Variants in AMDHD2 observed in about 807,000 individuals in gnomAD.
AMDHD2 encodes the protein N-acetylglucosamine-6-phosphate deacetylase.
A neutral mutation model predicts 41.8 loss-of-function variants in AMDHD2; 24 were observed. The observed-to-expected ratio is 0.57, with a 90% CI of 0.42 to 0.81. The LOEUF (loss-of-function observed/expected upper bound fraction) is 0.81. Ranked by LOEUF, AMDHD2 falls within the 30% of genes least tolerant of loss-of-function variation. The pLI, the probability that AMDHD2 is intolerant of heterozygous loss-of-function variation, is 0.00. For missense variants in AMDHD2, 540 were observed against 588.5 expected (o/e 0.92, Z 0.85); for synonymous variants, 332 against 255.5 (o/e 1.30, Z -2.85).
intron 3 of AMDHD2, among the ~76,000 whole-genome samples, chr16:2,526,736 G>A (rs1383837256): frequency 6.6e-6 from 1 of 152,016 alleles, no homozygotes; most frequent in Admixed American, 6.6e-5. Flanking sequence ...TTTGAAACTG[G>A]CCTGACCTAC....
At chr16:2,529,263 C>T (rs780934317) in intron 10 of AMDHD2, 168 bp downstream of exon 10, 15 of 1,052,738 alleles carry the variant, frequency 1.4e-5, no homozygotes, top group East Asian at 5.2e-5. Context: ...GCCATCAGGC[C>T]GGGCTTTCTG....
At position 2,530,775 on chromosome 16, in the gene AMDHD2, A is replaced by G. The variant is rs2066081638; in HGVS notation, c.*1212A>G. 1 of 1,613,696 alleles carries G rather than the reference A, an allele frequency of 6.2e-7. No homozygotes were observed. The highest frequency in any genetic ancestry group is 1.3e-5 in the African/African-American group (1 of 75,040). Reference sequence around the variant, plus strand: ...CCTCGCCTGAGGGAGGGCCTGGGGCAGGGCACAAGGGGTTGATCTCAGCCC... The same window carrying G: ...CCTCGCCTGAGGGAGGGCCTGGGGCGGGGCACAAGGGGTTGATCTCAGCCC... On this transcript the variant is annotated 3_prime_UTR_variant, in exon 11 of 11. Coordinates refer to ENST00000293971, the MANE Select transcript of AMDHD2 (RefSeq NM_001330449.2).
rs1261445248 is a variant in AMDHD2 at position 2,527,600 on chromosome 16, G to A, written c.400G>A (p.Gly134Arg). 1 of 1,613,044 alleles carries A rather than the reference G, an allele frequency of 6.2e-7. No individual in the cohort carries two copies. Among genetic ancestry groups the A allele is most frequent in the Non-Finnish European group, 8.5e-7 (1 of 1,179,668 alleles). ...QIPVKSGGPH[G>R]AGVLGLHLEG... ...CCCTGTGAAGAGTGGTGGTCCCCAT[G>A]GGGCAGGGGTCCTCGGTGAGTGGCT... Residue 134 changes from glycine to arginine, a missense_variant, in exon 4 of 11, where the codon GGG becomes AGG. Transcript: ENST00000293971. The surrounding 1 kb of genome is among the most constrained non-coding windows in gnomAD (Gnocchi z 6.1).
intron 9 of AMDHD2, 30 bp from the exon 10 acceptor site, chr16:2,528,964 G>T (rs1024356644): frequency 1.3e-6 from 2 of 1,555,966 alleles, no homozygotes; most frequent in African/African-American, 1.4e-5. Flanking sequence ...TGGGCTTGGG[G>T]ACTGTCACCT....
At chr16:2,522,812 C>A (rs2065958799) in intron 3 of AMDHD2, among the ~76,000 whole-genome samples, 1 of 152,000 alleles carries the variant, frequency 6.6e-6, no homozygotes, top group African/African-American at 2.4e-5. Flanking sequence ...CTGTGCCTGG[C>A]CCATCATGCC....
intron 3 of AMDHD2, among the ~76,000 whole-genome samples, chr16:2,526,429 C>T (rs910164617): frequency 1.1e-4 from 17 of 152,136 alleles, no homozygotes; most frequent in African/African-American, 3.4e-4. Flanking sequence ...CCCGGGGGCC[C>T]GACCGGCACA....
Position 2,527,249 on chromosome 16 carries a change from C to T in AMDHD2, c.361-312C>T, listed in dbSNP as rs1008311417. The T allele has an allele frequency of 1.6e-5, 8 of 486,516 alleles. No homozygotes were observed. The highest frequency in any genetic ancestry group is 2.6e-5 in the Non-Finnish European group (7 of 273,136). The allele number at this position is 486,516 out of a possible 1,614,324, so 30.1% of individuals were successfully genotyped here. On this transcript the variant is annotated intron_variant, in intron 3 of 10. Transcript: ENST00000293971. This position sits in a 1 kb window ranked among gnomAD's most constrained non-coding sequence, Gnocchi z 6.1. ...GCTCTGCCCCAGGGTCCCTGCTGCT[C>T]CCAGGAGCCTCCTGCCTCCCAGCCC...
At chr16:2,525,947 G>A (rs1323673426) in intron 3 of AMDHD2, among the ~76,000 whole-genome samples, 2 of 152,212 alleles carry the variant, frequency 1.3e-5, no homozygotes, top group African/African-American at 4.8e-5. Context: ...CCAAAGTGCT[G>A]GGATTACAGG....
Position 2,530,661 on chromosome 16 carries a change from A to C in AMDHD2, c.*1098A>C. The stretch of plus-strand genomic sequence containing the variant: ...CCTCTGCTGCAAAGCCCAGTTAAGG[A>C]AATGTCTCCAGGTCCAAAGAGATAG... On this transcript the variant is annotated 3_prime_UTR_variant, in exon 11 of 11. Transcript: ENST00000293971. 1 of 1,614,164 alleles carries C rather than the reference A, an allele frequency of 6.2e-7. No homozygotes were observed. The highest frequency in any genetic ancestry group is 8.5e-7 in the Non-Finnish European group (1 of 1,180,024).
At chr16:2,526,061 T>C (rs1292546341) in intron 3 of AMDHD2, among the ~76,000 whole-genome samples, 2 of 152,198 alleles carry the variant, frequency 1.3e-5, no homozygotes, top group African/African-American at 4.8e-5. Context: ...TGATGGCCCT[T>C]TTCCCTGTCC....
chr16:2,529,480 G>C lies in AMDHD2; in HGVS notation c.1147G>C (p.Val383Leu), dbSNP rs1306197212. 2 of 1,610,664 alleles carry C rather than the reference G, an allele frequency of 1.2e-6. No homozygotes were observed. Among genetic ancestry groups the C allele is most frequent in the Non-Finnish European group, 1.7e-6 (2 of 1,179,976 alleles). ...TLDFGADADF[V>L]VLDDSLHVQA... is the part of the protein sequence containing the mutation. ...ATTGCCCGGCTCTGTCCCAGACTTCGTGGTGCTCGACGACTCCCTTCACGT... is the reference window on the plus strand; with the variant it reads ...ATTGCCCGGCTCTGTCCCAGACTTCCTGGTGCTCGACGACTCCCTTCACGT... Residue 383 changes from valine to leucine, a missense_variant, in exon 11 of 11, where the codon GTG becomes CTG. Physicochemically the swap from Val to Leu is conservative, Grantham distance 32 (BLOSUM62 1). Coordinates refer to ENST00000293971, the MANE Select transcript of AMDHD2 (RefSeq NM_001330449.2).
rs1165878679 is a variant in AMDHD2 at position 2,529,870 on chromosome 16, G to A, written c.*307G>A. ...GGCCTTGGGCCCCAGTGGGGGACAG[G>A]GCCTGTCTGCATGAAGTGGACCGGA... On this transcript the variant is annotated 3_prime_UTR_variant, in exon 11 of 11. Coordinates refer to ENST00000293971, the MANE Select transcript of AMDHD2 (RefSeq NM_001330449.2). 7.0e-6 allele frequency: 9 copies of A among 1,293,698 alleles called. No individual in the cohort carries two copies. The highest frequency in any genetic ancestry group is 9.2e-6 in the Non-Finnish European group (9 of 977,148). The allele number at this position is 1,293,698 out of a possible 1,614,324, so 80.1% of individuals were successfully genotyped here.
At chr16:2,526,175 T>A (rs2066001762) in intron 3 of AMDHD2, among the ~76,000 whole-genome samples, 2 of 152,250 alleles carry the variant, frequency 1.3e-5, no homozygotes, top group Admixed American at 1.3e-4. Flanking sequence ...GTGGTGTGCT[T>A]TCTTTCAGAA....
At chr16:2,520,702 GGCGGGGT>G in intron 1 of AMDHD2, 60 bp from the exon 2 acceptor site, 2 of 1,422,986 alleles carry the variant, frequency 1.4e-6, no homozygotes, top group South Asian at 2.9e-5. Context: ...CCGGGGACCG[GGCGGGGT>G]GCAGGGTGCG....
rs575656284 is a variant in AMDHD2 at position 2,528,753 on chromosome 16, CTG to C, written c.1039+38_1039+39del. ...CAGCACGGGTGCGGGTTTAGGTGGT[CTG>C]TGAGTGGTGGGTCCCCAAGGGGCTG... On this transcript the variant is annotated intron_variant, in intron 9 of 10. Coordinates refer to ENST00000293971, the MANE Select transcript of AMDHD2 (RefSeq NM_001330449.2). 8.4e-3 allele frequency: 13,503 copies of C among 1,606,572 alleles called. 93 individuals carry two copies. Among genetic ancestry groups the C allele is most frequent in the Non-Finnish European group, 9.2e-3 (10,848 of 1,177,646 alleles).
rs1369025896 is a variant in AMDHD2, at chr16:2,530,023, G to T, written c.*460G>T. The T allele has an allele frequency of 4.0e-6, 3 of 744,382 alleles. No individual in the cohort carries two copies. The highest frequency in any genetic ancestry group is 1.8e-5 in the African/African-American group (1 of 56,704). 46.1% of individuals were successfully genotyped at this position (744,382 alleles called of 1,614,324 possible). On this transcript the variant is annotated 3_prime_UTR_variant, in exon 11 of 11. Coordinates refer to ENST00000293971, the MANE Select transcript of AMDHD2 (RefSeq NM_001330449.2). Reference sequence around the variant, plus strand: ...GCAGGAAGGGGACCAGTCACAGGGAGTGTGGACAGTCAGGGGTTTGCTTTC... The same window carrying T: ...GCAGGAAGGGGACCAGTCACAGGGATTGTGGACAGTCAGGGGTTTGCTTTC...
Position 2,531,175 on chromosome 16 carries a change from G to C in AMDHD2, c.*1612G>C, listed in dbSNP as rs574998583. Reference sequence around the variant, plus strand: ...CTGGGCCAGCCTTTGGGCCTGGCCTGCCCCATTCACCGGCCAGCGCCCCAC... The same window carrying C: ...CTGGGCCAGCCTTTGGGCCTGGCCTCCCCCATTCACCGGCCAGCGCCCCAC... On this transcript the variant is annotated 3_prime_UTR_variant, in exon 11 of 11. Coordinates refer to ENST00000293971, the MANE Select transcript of AMDHD2 (RefSeq NM_001330449.2). 20 of 1,434,376 alleles carry C rather than the reference G, an allele frequency of 1.4e-5. No homozygotes were observed. The African/African-American group carries it at 2.1e-4, about 15-fold the overall frequency. The allele number at this position is 1,434,376 out of a possible 1,614,324, so 88.9% of individuals were successfully genotyped here.
At chr16:2,521,695 G>A (rs545896587) in intron 3 of AMDHD2, among the ~76,000 whole-genome samples, 2 of 151,188 alleles carry the variant, frequency 1.3e-5, no homozygotes, top group South Asian at 4.2e-4. Flanking sequence ...TACTATTCAG[G>A]CTCCTCTTGG....
At chr16:2,521,602 G>A (rs1314122165) in intron 3 of AMDHD2, among the ~76,000 whole-genome samples, 1 of 151,986 alleles carries the variant, frequency 6.6e-6, no homozygotes, top group Non-Finnish European at 1.5e-5. Flanking sequence ...TTTCCTGCCC[G>A]GAAGAAATTT....
Sources: gnomAD v4.1 joint callset for allele counts (sites outside exome capture counted in the v4.1 genomes callset) on GRCh38, gnomAD v4.1.1 for gene constraint, Gnocchi (gnomAD v3.1) non-coding constraint, MANE v1.5 for transcripts, NCBI Gene and HGNC (gene_info 2026-07-23, HGNC 2026-07-21) for gene names.